Variants in SORCS1 observed in about 807,000 individuals in gnomAD.
The protein encoded by SORCS1 is sortilin related VPS10 domain containing receptor 1.
SORCS1 carries 60 observed loss-of-function variants against 146.1 expected under a neutral mutation model. The ratio of observed to expected loss-of-function variants is 0.41; its 90% CI spans 0.33 to 0.51. SORCS1 has a LOEUF of 0.51. Among genes scored for constraint, SORCS1 ranks in the 20% least tolerant of loss-of-function variants. The pLI is 0.21. For synonymous variants in SORCS1, 637 were observed against 584.0 expected, an observed-to-expected ratio of 1.09 and a Z score of -1.31; for missense variants, 1,352 against 1,487.6, an observed-to-expected ratio of 0.91 and a Z score of 1.50.
chr10:107,042,773 C>T (rs1959179346), intron 1 of SORCS1, among the ~76,000 whole-genome samples: 1 of 152,144 alleles, frequency 6.6e-6, no homozygotes, highest in East Asian at 1.9e-4. Context: ...CCACACCTGA[C>T]TAATTTTTGT....
intron 2 of SORCS1, among the ~76,000 whole-genome samples, chr10:106,950,421 G>C (rs531230890): frequency 6.6e-6 from 1 of 152,140 alleles, no homozygotes; most frequent in Non-Finnish European, 1.5e-5. Context: ...TGACTCTTCA[G>C]CTGCTAAAAC....
chr10:107,040,288 T>C (rs1959096122), intron 1 of SORCS1, among the ~76,000 whole-genome samples: 1 of 152,176 alleles, frequency 6.6e-6, no homozygotes, highest in Non-Finnish European at 1.5e-5. Context: ...TTAATTTCTC[T>C]GGGGGCTTAT....
At chr10:106,956,689 T>A (rs200206959) in intron 1 of SORCS1, 109 bp from the exon 2 acceptor site, 2 of 871,480 alleles carry the variant, frequency 2.3e-6, no homozygotes, top group South Asian at 3.3e-5. Flanking sequence ...CTTAACATAA[T>A]TGAATGAATT....
intron 1 of SORCS1, among the ~76,000 whole-genome samples, chr10:107,161,106 C>T (rs1969670526): frequency 6.6e-6 from 1 of 152,158 alleles, no homozygotes; most frequent in Admixed American, 6.5e-5. Flanking sequence ...GCAAAACAGA[C>T]ATGTCTTTAT....
intron 1 of SORCS1, among the ~76,000 whole-genome samples, chr10:106,989,683 T>G (rs1956676900): frequency 3.8e-5 from 3 of 79,580 alleles, no homozygotes; most frequent in Admixed American, 1.1e-4. Flanking sequence ...TTTTTTTGTT[T>G]TTTTTTTTTT....
At chr10:106,799,108 T>C (rs1292829103) in intron 3 of SORCS1, among the ~76,000 whole-genome samples, 1 of 152,100 alleles carries the variant, frequency 6.6e-6, no homozygotes, top group Non-Finnish European at 1.5e-5. Context: ...TTGACAAACC[T>C]GACAAAAACA....
At chr10:106,600,228 A>T in intron 23 of SORCS1, 1 of 640,318 alleles carries the variant, frequency 1.6e-6, no homozygotes, top group South Asian at 7.1e-5. Flanking sequence ...AAAATAATTA[A>T]CTACTTGGTT....
intron 1 of SORCS1, among the ~76,000 whole-genome samples, chr10:107,078,816 G>A (rs999932068): frequency 1.3e-5 from 2 of 152,222 alleles, no homozygotes; most frequent in African/African-American, 2.4e-5. Context: ...TTGTATTTGT[G>A]TAAAGTACTC....
At chr10:106,618,334 T>A (rs1219832400) in intron 20 of SORCS1, 62 bp from the exon 21 acceptor site, 8 of 1,588,606 alleles carry the variant, frequency 5.0e-6, no homozygotes, top group African/African-American at 1.3e-5. Context: ...ACACAGCCAC[T>A]AACTGTGAGC....
chr10:106,616,535 T>C (rs977953659), intron 21 of SORCS1, among the ~76,000 whole-genome samples: 36 of 152,174 alleles, frequency 2.4e-4, no homozygotes, highest in African/African-American at 8.4e-4. Context: ...AGAAAGGAGA[T>C]GGAGAAGGGA....
chr10:107,130,454 T>G (rs899042416), intron 1 of SORCS1, among the ~76,000 whole-genome samples: 1 of 152,154 alleles, frequency 6.6e-6, no homozygotes, highest in African/African-American at 2.4e-5. Context: ...AACCAGGTAT[T>G]AAATGATTAA....
chr10:107,110,249 A>G (rs1470518003), intron 1 of SORCS1, among the ~76,000 whole-genome samples: 5 of 152,176 alleles, frequency 3.3e-5, no homozygotes, highest in African/African-American at 1.2e-4. Flanking sequence ...GTATCTTTAT[A>G]GCAATACCCA....
chr10:106,620,906 TG>T (rs1430000809), intron 19 of SORCS1, among the ~76,000 whole-genome samples: 2 of 152,224 alleles, frequency 1.3e-5, no homozygotes, highest in Non-Finnish European at 2.9e-5. Context: ...GTTGTATCCC[TG>T]GTGGTGAACC....
intron 6 of SORCS1, among the ~76,000 whole-genome samples, chr10:106,728,911 ATC>A (rs1856397216): frequency 6.6e-6 from 1 of 152,116 alleles, no homozygotes; most frequent in Non-Finnish European, 1.5e-5. Flanking sequence ...TCTCCTCTAC[ATC>A]TGAGACCTCT....
chr10:107,117,956 A>G (rs903300069), intron 1 of SORCS1, among the ~76,000 whole-genome samples: 1 of 152,142 alleles, frequency 6.6e-6, no homozygotes, highest in African/African-American at 2.4e-5. Context: ...TGGCTAATGG[A>G]ATGGAATGAA....
At chr10:106,634,894 C>G (rs758616370) in intron 18 of SORCS1, among the ~76,000 whole-genome samples, 1 of 152,144 alleles carries the variant, frequency 6.6e-6, no homozygotes. Flanking sequence ...TCCAGGCTGG[C>G]AAACATCTAG....
At chr10:106,825,269 CTTT>C (rs35830829) in intron 3 of SORCS1, among the ~76,000 whole-genome samples, 2 of 119,180 alleles carry the variant, frequency 1.7e-5, no homozygotes, top group Non-Finnish European at 1.7e-5. Flanking sequence ...GAGATTTCAA[CTTT>C]TTTTTTTTTT....
At chr10:106,991,790 G>A (rs1009019881) in intron 1 of SORCS1, among the ~76,000 whole-genome samples, 4 of 152,198 alleles carry the variant, frequency 2.6e-5, no homozygotes, top group South Asian at 2.1e-4. Flanking sequence ...AAGGAAAGAG[G>A]AGAGACAAGA....
chr10:106,717,655 A>G (rs1279407696), intron 6 of SORCS1, among the ~76,000 whole-genome samples: 1 of 152,230 alleles, frequency 6.6e-6, no homozygotes, highest in Non-Finnish European at 1.5e-5. Context: ...GAAACTAAAA[A>G]CTGGGAACAT....
Sources: gnomAD v4.1 joint callset for allele counts (sites outside exome capture counted in the v4.1 genomes callset) on GRCh38, gnomAD v4.1.1 for gene constraint, MANE v1.5 for transcripts, NCBI Gene and HGNC (gene_info 2026-07-23, HGNC 2026-07-21) for gene names.